The following GIGYF2 variants were observed in gnomAD, a reference collection of about 807,000 sequenced individuals.
The protein encoded by GIGYF2 is GRB10-interacting GYF protein 2.
A neutral mutation model predicts 208.1 loss-of-function variants in GIGYF2; 25 were observed. The observed-to-expected ratio is 0.12, with a 90% CI of 0.09 to 0.17. GIGYF2 has a LOEUF of 0.17. GIGYF2 is among the 10% of genes least tolerant of loss of function. The probability of loss-of-function intolerance (pLI) is 1.00; values close to 1 mark genes in which losing one functional copy is unlikely to be tolerated. For synonymous variants in GIGYF2, 534 were observed against 543.8 expected (o/e 0.98, Z 0.25); for missense variants, 1,302 against 1,579.4 (o/e 0.82, Z 2.98).
rs142188517 is a variant in GIGYF2 at position 232,748,084 on chromosome 2, T to C, written c.171+340T>C. 5.1e-3 allele frequency among the ~76,000 whole-genome samples: 780 copies of C among 152,254 alleles called. 11 individuals carry two copies. The highest frequency in any genetic ancestry group is 0.018 in the African/African-American group (759 of 41,542). ...TCCTTTCTCTTTATTGTACCTCTTATCCTACTTGCCACTTAAAAATAAAGA... is the reference window on the plus strand; with the variant it reads ...TCCTTTCTCTTTATTGTACCTCTTACCCTACTTGCCACTTAAAAATAAAGA... On this transcript the variant is annotated intron_variant, in intron 4 of 28. Transcript: ENST00000373563.
At chr2:232,714,042 C>T (rs933701653) in intron 2 of GIGYF2, among the ~76,000 whole-genome samples, 8 of 151,644 alleles carry the variant, frequency 5.3e-5, no homozygotes, top group East Asian at 1.9e-4. Context: ...CTACGCTTCC[C>T]GGGTTCATGC....
intron 2 of GIGYF2, among the ~76,000 whole-genome samples, chr2:232,728,431 A>G (rs1309957004): frequency 1.3e-5 from 2 of 152,212 alleles, no homozygotes; most frequent in East Asian, 3.8e-4. Context: ...TTGGACTATA[A>G]TGAAAGAGGA....
At chr2:232,739,367 C>A (rs988650357) in intron 3 of GIGYF2, among the ~76,000 whole-genome samples, 3 of 135,076 alleles carry the variant, frequency 2.2e-5, no homozygotes, top group East Asian at 2.2e-4. Flanking sequence ...GCAAACCCCC[C>A]CCCCCCCGCA....
At chr2:232,804,124 G>A (rs188316965) in intron 14 of GIGYF2, among the ~76,000 whole-genome samples, 14 of 151,898 alleles carry the variant, frequency 9.2e-5, no homozygotes, top group Admixed American at 6.6e-4. Flanking sequence ...TTTTAGCTTT[G>A]TATTTCCTTC....
At chr2:232,790,660 A>AAACTTTTCT in intron 9 of GIGYF2, 38 bp from the exon 10 acceptor site, 1 of 1,523,646 alleles carries the variant, frequency 6.6e-7, no homozygotes, top group Non-Finnish European at 9.1e-7. Flanking sequence ...TACTGTCATA[A>AAACTTTTCT]AACTTTTCTA....
chr2:232,757,776 G>C (rs111619078), intron 6 of GIGYF2, among the ~76,000 whole-genome samples: 7,131 of 78,068 alleles, frequency 0.091, 358 homozygotes, highest in South Asian at 0.22. Context: ...AGCACCCCCC[G>C]CCCCCCGCCA....
intron 9 of GIGYF2, chr2:232,788,201 G>A (rs966734018): frequency 6.5e-6 from 1 of 153,650 alleles, no homozygotes; most frequent in African/African-American, 2.4e-5. Flanking sequence ...TAAAAATCAA[G>A]TTATTAGCAA....
At chr2:232,802,817 A>G (rs1490316195) in intron 14 of GIGYF2, among the ~76,000 whole-genome samples, 1 of 151,720 alleles carries the variant, frequency 6.6e-6, no homozygotes, top group Non-Finnish European at 1.5e-5. Context: ...TTTGAGAAGG[A>G]TTATGATTAG....
intron 9 of GIGYF2, 117 bp downstream of exon 9, chr2:232,787,446 T>G: frequency 4.5e-6 from 4 of 886,250 alleles, no homozygotes; most frequent in Non-Finnish European, 7.2e-6. Flanking sequence ...GGATTCATAT[T>G]ATTTATGCTG....
chr2:232,765,849 A>G (rs1698937029), intron 8 of GIGYF2: 3 of 459,826 alleles, frequency 6.5e-6, no homozygotes, highest in Admixed American at 4.8e-5. Flanking sequence ...TTAGGTAACG[A>G]CATGCCTCCA....
At chr2:232,763,253 C>CTAAG (rs58407492) in intron 8 of GIGYF2, among the ~76,000 whole-genome samples, 15,476 of 151,880 alleles carry the variant, frequency 0.1, 1,124 homozygotes, top group African/African-American at 0.2. Flanking sequence ...CATGGTTATT[C>CTAAG]TAAGCTCTCA....
chr2:232,762,951 A>C (rs1387349927), intron 8 of GIGYF2, among the ~76,000 whole-genome samples: 1 of 151,982 alleles, frequency 6.6e-6, no homozygotes, highest in Non-Finnish European at 1.5e-5. Context: ...GAGCCCAAGA[A>C]GTCGAGGCTG....
chr2:232,705,359 A>G (rs941336813), intron 2 of GIGYF2: 2 of 152,216 alleles, frequency 1.3e-5, no homozygotes, highest in African/African-American at 4.8e-5. Context: ...AGATAATACT[A>G]AAGCAAACTT....
intron 18 of GIGYF2, among the ~76,000 whole-genome samples, chr2:232,814,577 C>CCCCCA (rs1553616914): frequency 4.6e-5 from 6 of 130,014 alleles, no homozygotes; most frequent in Admixed American, 1.5e-4. Flanking sequence ...CCCCCCCCCC[C>CCCCCA]AAAAAAAAAG....
In GIGYF2 at chr2:232,786,831, A is replaced by G. The variant is rs988398873; in HGVS notation, c.533-319A>G. ...CATGGACAGTGTTTGGAAAGACTTT[A>G]TAAGAAACTTGGTGATGGTTCCTTC... On this transcript the variant is annotated intron_variant, in intron 8 of 28. Coordinates refer to ENST00000373563, the MANE Select transcript of GIGYF2 (RefSeq NM_001103146.3). Among the ~76,000 whole-genome samples, 6 of 152,326 alleles carry G rather than the reference A, an allele frequency of 3.9e-5. No homozygotes were observed. In the South Asian group the frequency reaches 1.0e-3, roughly 26 times the overall value.
chr2:232,836,300 A>ACT (rs1181338708), intron 22 of GIGYF2, among the ~76,000 whole-genome samples: 2,326 of 19,168 alleles, frequency 0.12, 232 homozygotes, highest in Non-Finnish European at 0.2. Flanking sequence ...ATATATATAT[A>ACT]TATATATATA....
At chr2:232,726,483 A>G (rs1444222081) in intron 2 of GIGYF2, among the ~76,000 whole-genome samples, 2 of 152,032 alleles carry the variant, frequency 1.3e-5, no homozygotes, top group Admixed American at 6.6e-5. Context: ...GTGCATGCCT[A>G]TAGTTTCAGC....
chr2:232,725,546 G>A (rs1044205270), intron 2 of GIGYF2, among the ~76,000 whole-genome samples: 5 of 152,276 alleles, frequency 3.3e-5, no homozygotes, highest in African/African-American at 1.2e-4. Flanking sequence ...CAAATTAAGC[G>A]AATACATATG....
At chr2:232,748,747 T>G (rs571786091) in intron 4 of GIGYF2, among the ~76,000 whole-genome samples, 1 of 152,366 alleles carries the variant, frequency 6.6e-6, no homozygotes, top group Non-Finnish European at 1.5e-5. Flanking sequence ...GCAGAGTTAG[T>G]GCTAAATCCA....
Sources: allele counts gnomAD v4.1 joint callset (sites outside exome capture counted in the v4.1 genomes callset), GRCh38; gene constraint gnomAD v4.1.1; transcripts MANE v1.5; gene names NCBI Gene and HGNC (gene_info 2026-07-23, HGNC 2026-07-21).